ZBTB20: variants seen among roughly 807,000 people sequenced by gnomAD.
ZBTB20 encodes zinc finger and BTB domain-containing protein 20.
Under a neutral mutation model 56.9 loss-of-function variants are expected in ZBTB20, and 9 were observed. The observed-to-expected ratio is 0.16, with a 90% CI of 0.10 to 0.28. ZBTB20 has a LOEUF of 0.28. ZBTB20 is among the 10% of genes least tolerant of loss of function. ZBTB20 has a pLI of 1.00. For synonymous variants in ZBTB20, 417 were observed against 420.7 expected (o/e 0.99, Z 0.11); for missense variants, 655 against 1,003.0 (o/e 0.65, Z 4.69).
intron 2 of ZBTB20, among the ~76,000 whole-genome samples, chr3:115,036,300 T>C (rs549720833): frequency 5.3e-5 from 8 of 152,206 alleles, no homozygotes; most frequent in Non-Finnish European, 1.2e-4. Context: ...TGATTTTTTT[T>C]TCTTTCTTTT....
At chr3:114,860,873 G>A (rs2075493028) in intron 4 of ZBTB20, among the ~76,000 whole-genome samples, 1 of 152,208 alleles carries the variant, frequency 6.6e-6, no homozygotes, top group Non-Finnish European at 1.5e-5. Flanking sequence ...AAAATCAAGA[G>A]TATCACAAAA....
intron 6 of ZBTB20, among the ~76,000 whole-genome samples, chr3:114,511,587 A>G (rs912568139): frequency 1.3e-5 from 2 of 152,148 alleles, no homozygotes; most frequent in Non-Finnish European, 2.9e-5. Context: ...ATTTATGCAT[A>G]CACTATTAAA....
chr3:114,572,336 G>T (rs565359657), intron 6 of ZBTB20, among the ~76,000 whole-genome samples: 1 of 152,330 alleles, frequency 6.6e-6, no homozygotes, highest in Non-Finnish European at 1.5e-5. Flanking sequence ...CAAAGTGTAA[G>T]CATTTCTACC....
At chr3:114,573,294 T>C (rs779197753) in intron 6 of ZBTB20, among the ~76,000 whole-genome samples, 22 of 151,790 alleles carry the variant, frequency 1.4e-4, no homozygotes, top group Non-Finnish European at 3.1e-4. Flanking sequence ...ACCCTGTCTC[T>C]ACTAAAATAC....
At chr3:114,446,690 C>T (rs1412814165) in intron 7 of ZBTB20, among the ~76,000 whole-genome samples, 2 of 152,092 alleles carry the variant, frequency 1.3e-5, no homozygotes, top group East Asian at 1.9e-4. Flanking sequence ...TCTGAGAAGC[C>T]GGCCTGATTG....
intron 4 of ZBTB20, among the ~76,000 whole-genome samples, chr3:114,844,539 A>C (rs907155673): frequency 7.0e-6 from 1 of 142,134 alleles, no homozygotes; most frequent in East Asian, 2.0e-4. Flanking sequence ...AAAAAAAAAA[A>C]AAAAAAAAAA....
In ZBTB20 at chr3:114,593,204, G is replaced by A. The variant is rs776663807; in HGVS notation, c.-294-92813C>T. On this transcript the variant is annotated intron_variant, in intron 6 of 11. Coordinates refer to ENST00000675478, the MANE Select transcript of ZBTB20 (RefSeq NM_001348800.3). ...TAGATATTTTGAGGTATTAAAAAGC[G>A]TTCTTTTATTAGTGATAACACCTCT... 2.5e-4 allele frequency among the ~76,000 whole-genome samples: 38 copies of A among 152,050 alleles called. 1 individual carries two copies. The highest frequency in any genetic ancestry group is 1.9e-3 in the Admixed American group (29 of 15,268).
intron 5 of ZBTB20, among the ~76,000 whole-genome samples, chr3:114,793,403 T>C (rs2071112578): frequency 6.6e-6 from 1 of 152,126 alleles, no homozygotes; most frequent in Admixed American, 6.6e-5. Context: ...TCTAGGTTAT[T>C]GGAACGATTA....
At chr3:114,649,729 T>C (rs1486971424) in intron 6 of ZBTB20, among the ~76,000 whole-genome samples, 1 of 151,972 alleles carries the variant, frequency 6.6e-6, no homozygotes, top group African/African-American at 2.4e-5. Flanking sequence ...CTCTAGAATG[T>C]CTCTTTTGAC....
chr3:114,453,929 C>G (rs958287178), intron 7 of ZBTB20, among the ~76,000 whole-genome samples: 1 of 120,642 alleles, frequency 8.3e-6, no homozygotes, highest in African/African-American at 3.0e-5. Flanking sequence ...ACTCCCCCCC[C>G]CCCCACCCTT....
intron 6 of ZBTB20, among the ~76,000 whole-genome samples, chr3:114,507,081 G>A (rs2044709337): frequency 6.6e-6 from 1 of 152,186 alleles, no homozygotes; most frequent in Non-Finnish European, 1.5e-5. Context: ...TCAAGGAAAA[G>A]TTAATTTTAG....
intron 6 of ZBTB20, among the ~76,000 whole-genome samples, chr3:114,549,869 T>G (rs1363438222): frequency 6.6e-6 from 1 of 152,078 alleles, no homozygotes; most frequent in African/African-American, 2.4e-5. Context: ...AACTAACTGA[T>G]TTTTAATATT....
intron 1 of ZBTB20, among the ~76,000 whole-genome samples, chr3:115,112,167 C>T (rs1428695244): frequency 6.6e-6 from 1 of 151,860 alleles, no homozygotes; most frequent in Non-Finnish European, 1.5e-5. Flanking sequence ...CTTAGATTTA[C>T]CTTTTATTTT....
rs1452061860 is a variant in ZBTB20, at chr3:115,113,252, TA to T, written c.-703+33966del. Among the ~76,000 whole-genome samples, 7 of 152,322 alleles carry T rather than the reference TA, an allele frequency of 4.6e-5. No homozygotes were observed. The South Asian group carries it at 1.4e-3, about 32-fold the overall frequency. On this transcript the variant is annotated intron_variant, in intron 1 of 11. Coordinates refer to ENST00000675478, the MANE Select transcript of ZBTB20 (RefSeq NM_001348800.3). ...CTGCTGTGTTTAAAAGGTTTAATTT[TA>T]AAAAACAGTAACAATGACATCCTAC...
intron 1 of ZBTB20, among the ~76,000 whole-genome samples, chr3:115,115,521 T>G (rs1185403140): frequency 6.6e-6 from 1 of 152,094 alleles, no homozygotes; most frequent in Non-Finnish European, 1.5e-5. Flanking sequence ...TAGTAAACAT[T>G]CCACACTGCA....
At chr3:115,064,443 C>CTTTTTTTTTT (rs34098178) in intron 2 of ZBTB20, among the ~76,000 whole-genome samples, 7 of 78,040 alleles carry the variant, frequency 9.0e-5, no homozygotes, top group East Asian at 5.1e-4. Flanking sequence ...TCTCATAATT[C>CTTTTTTTTTT]TTTTTTTTTT....
intron 6 of ZBTB20, among the ~76,000 whole-genome samples, chr3:114,655,094 A>G (rs2060322862): frequency 6.6e-6 from 1 of 151,540 alleles, no homozygotes; most frequent in Non-Finnish European, 1.5e-5. Context: ...TCAGCCTAAT[A>G]CTCTCTCTTT....
intron 1 of ZBTB20, among the ~76,000 whole-genome samples, chr3:115,136,141 T>C (rs1244670234): frequency 6.6e-6 from 1 of 152,170 alleles, no homozygotes; most frequent in African/African-American, 2.4e-5. Context: ...ATTTCTTTTC[T>C]GAATCATGGT....
chr3:114,549,968 T>C (rs111274567), intron 6 of ZBTB20, among the ~76,000 whole-genome samples: 2,937 of 152,220 alleles, frequency 0.019, 95 homozygotes, highest in African/African-American at 0.067. Flanking sequence ...GATGGAGCCT[T>C]GCTCTGTGGC....
Sources: allele counts gnomAD v4.1 joint callset (sites outside exome capture counted in the v4.1 genomes callset), GRCh38; gene constraint gnomAD v4.1.1; transcripts MANE v1.5; gene names NCBI Gene and HGNC (gene_info 2026-07-23, HGNC 2026-07-21).